The following VEGFC variants were observed in gnomAD, a reference collection of about 807,000 sequenced individuals.
The protein encoded by VEGFC is vascular endothelial growth factor C, also known as FLT4 ligand DHM.
VEGFC carries 12 observed loss-of-function variants against 46.1 expected under a neutral mutation model. That is an observed-to-expected ratio of 0.26 (90% CI 0.17 to 0.42). The LOEUF (loss-of-function observed/expected upper bound fraction) is 0.42, where lower values mean the gene tolerates loss of function less well. VEGFC is among the 10% of genes least tolerant of loss of function. The pLI, the probability that VEGFC is intolerant of heterozygous loss-of-function variation, is 1.00. For synonymous variants in VEGFC, 232 were observed against 195.5 expected, an observed-to-expected ratio of 1.19 and a Z score of -1.56; for missense variants, 488 against 529.4, an observed-to-expected ratio of 0.92 and a Z score of 0.77.
At position 176,719,473 on chromosome 4, in the gene VEGFC, T is replaced by G. The variant is rs565962022; in HGVS notation, c.553-7823A>C. ...ACGTTTTCAGAACTTGGAATATTAG[T>G]AAAAATGTAGGAACACTGCATTCTT... On this transcript the variant is annotated intron_variant, in intron 3 of 6. Transcript: ENST00000618562. 4.0e-4 allele frequency among the ~76,000 whole-genome samples: 61 copies of G among 152,302 alleles called. 1 individual carries two copies. The highest frequency in any genetic ancestry group is 1.4e-3 in the African/African-American group (59 of 41,562).
intron 1 of VEGFC, among the ~76,000 whole-genome samples, chr4:176,783,091 C>A (rs957353974): frequency 2.6e-5 from 4 of 152,160 alleles, no homozygotes; most frequent in Admixed American, 6.5e-5. Flanking sequence ...AAGAGAACCA[C>A]CAAACAAAAT....
intron 1 of VEGFC, among the ~76,000 whole-genome samples, chr4:176,744,928 T>C (rs1735237109): frequency 6.6e-6 from 1 of 152,022 alleles, no homozygotes; most frequent in African/African-American, 2.4e-5. Context: ...CTACGCTAAT[T>C]CCAAAATCCC....
At chr4:176,750,420 A>G (rs902792890) in intron 1 of VEGFC, among the ~76,000 whole-genome samples, 1 of 151,798 alleles carries the variant, frequency 6.6e-6, no homozygotes. Context: ...TATACTATAT[A>G]GATACTAACT....
chr4:176,691,483 G>A (rs903915110), intron 4 of VEGFC, among the ~76,000 whole-genome samples: 2 of 151,880 alleles, frequency 1.3e-5, no homozygotes, highest in African/African-American at 4.8e-5. Context: ...CACACACACA[G>A]GCACAACCAC....
intron 1 of VEGFC, among the ~76,000 whole-genome samples, chr4:176,745,281 T>C (rs992364037): frequency 1.3e-4 from 20 of 152,122 alleles, no homozygotes; most frequent in Admixed American, 9.2e-4. Flanking sequence ...AATGCATATA[T>C]GTAATTTCTT....
At chr4:176,717,520 T>G (rs1300799110) in intron 3 of VEGFC, among the ~76,000 whole-genome samples, 1 of 152,138 alleles carries the variant, frequency 6.6e-6, no homozygotes, top group Non-Finnish European at 1.5e-5. Flanking sequence ...GTACTTATCT[T>G]GCTGGCTATT....
At chr4:176,727,496 TAC>T (rs1734890561) in intron 3 of VEGFC, among the ~76,000 whole-genome samples, 1 of 152,170 alleles carries the variant, frequency 6.6e-6, no homozygotes, top group South Asian at 2.1e-4. Flanking sequence ...CACGTACATG[TAC>T]ACACATACAT....
intron 4 of VEGFC, 88 bp from the exon 5 acceptor site, chr4:176,688,015 T>C (rs906530113): frequency 3.1e-6 from 2 of 650,436 alleles, no homozygotes; most frequent in South Asian, 2.4e-5. Context: ...AAAATAATGC[T>C]CATAGAAAAG....
At chr4:176,710,645 C>T in intron 4 of VEGFC, among the ~76,000 whole-genome samples, 1 of 152,102 alleles carries the variant, frequency 6.6e-6, no homozygotes, top group Middle Eastern at 3.2e-3. Flanking sequence ...TTTATTTATA[C>T]ATTTGTTACA....
At chr4:176,706,093 T>C (rs1333861189) in intron 4 of VEGFC, 1 of 152,214 alleles carries the variant, frequency 6.6e-6, no homozygotes, top group Admixed American at 6.5e-5. Context: ...TGGCAGATGC[T>C]TGGTGCTTTG....
intron 1 of VEGFC, among the ~76,000 whole-genome samples, chr4:176,786,933 C>G (rs1272055878): frequency 2.0e-5 from 3 of 152,092 alleles, no homozygotes; most frequent in Non-Finnish European, 4.4e-5. Flanking sequence ...TCTGCTTATC[C>G]AAAATGCCTG....
rs1579108927 is a variant in VEGFC, at chr4:176,727,710, A to G, written c.552+68T>C. The G allele has an allele frequency of 6.7e-6, 10 of 1,493,868 alleles. No homozygotes were observed. In the South Asian group the frequency reaches 1.3e-4, roughly 19 times the overall value. 92.5% of individuals were successfully genotyped at this position (1,493,868 alleles called of 1,614,324 possible). A position where few individuals can be genotyped will look rare whatever the true frequency, so the allele number is the denominator to read the frequency against. ...TTAAAGCAACCAGAAGTTTAAACACATCATCCCCAAAGTTAAAGCTTCTGA... is the reference window on the plus strand; with the variant it reads ...TTAAAGCAACCAGAAGTTTAAACACGTCATCCCCAAAGTTAAAGCTTCTGA... On this transcript the variant is annotated intron_variant, in intron 3 of 6. Transcript: ENST00000618562.
intron 1 of VEGFC, among the ~76,000 whole-genome samples, chr4:176,778,339 A>G (rs1735850167): frequency 6.6e-6 from 1 of 152,158 alleles, no homozygotes; most frequent in Non-Finnish European, 1.5e-5. Context: ...TTTGCTCACA[A>G]TTATAATTGG....
intron 3 of VEGFC, among the ~76,000 whole-genome samples, chr4:176,722,986 A>T (rs1318238255): frequency 2.0e-5 from 3 of 152,154 alleles, no homozygotes; most frequent in Admixed American, 2.0e-4. Context: ...AAAAAACTCA[A>T]ATGGTTAATA....
At chr4:176,726,073 G>A (rs1734869625) in intron 3 of VEGFC, among the ~76,000 whole-genome samples, 2 of 152,018 alleles carry the variant, frequency 1.3e-5, no homozygotes, top group Non-Finnish European at 2.9e-5. Context: ...ACGTCTTATT[G>A]TTTATTGTTG....
At position 176,729,625 on chromosome 4, in the gene VEGFC, C is replaced by G; in HGVS notation, c.269G>C (p.Trp90Ser). The part of the protein sequence containing the change: ...MYKCQLRKGG[W>S]QHNREQANLN... ...GTTGGCCTGTTCTCTGTTATGTTGCCAGCCTCCTTTCCTTAGCTGACACTT... is the reference window on the plus strand; with the variant it reads ...GTTGGCCTGTTCTCTGTTATGTTGCGAGCCTCCTTTCCTTAGCTGACACTT... The change falls in exon 2 of 7, where the codon TGG becomes TCG. Residue 90 changes from tryptophan (W) to serine (S), a missense_variant. Trp to Ser is a radical substitution (Grantham distance 177, BLOSUM62 -3). Transcript: ENST00000618562. 6.2e-7 allele frequency: 1 copy of G among 1,613,780 alleles called. No individual in the cohort carries two copies. The highest frequency in any genetic ancestry group is 8.5e-7 in the Non-Finnish European group (1 of 1,179,890).
chr4:176,787,637 T>C (rs1446854383), intron 1 of VEGFC, among the ~76,000 whole-genome samples: 1 of 152,024 alleles, frequency 6.6e-6, no homozygotes, highest in Non-Finnish European at 1.5e-5. Flanking sequence ...AATTCCATGA[T>C]GGATGCCCAA....
Position 176,746,245 on chromosome 4 carries a change from G to T in VEGFC, c.148-16499C>A, listed in dbSNP as rs370500263. ...CTGCTCTCTGCTTATATATATGATT[G>T]GTCCAGGTCCAGGGGTAGAGAAAAT... On this transcript the variant is annotated intron_variant, in intron 1 of 6. Transcript: ENST00000618562. Among the ~76,000 whole-genome samples, 606 of 152,044 alleles carry T rather than the reference G, an allele frequency of 4.0e-3. 3 individuals carry two copies. The highest frequency in any genetic ancestry group is 0.013 in the African/African-American group (551 of 41,502).
intron 4 of VEGFC, among the ~76,000 whole-genome samples, chr4:176,695,383 A>C (rs1326114983): frequency 1.3e-5 from 2 of 151,918 alleles, no homozygotes; most frequent in Non-Finnish European, 2.9e-5. Context: ...ATCTAGAAGA[A>C]ATGAATAAAT....
Sources: gnomAD v4.1 joint callset for allele counts (sites outside exome capture counted in the v4.1 genomes callset) on GRCh38, gnomAD v4.1.1 for gene constraint, MANE v1.5 for transcripts, NCBI Gene and HGNC (gene_info 2026-07-23, HGNC 2026-07-21) for gene names.